The following WLS variants were observed in gnomAD, a reference collection of about 807,000 sequenced individuals.
WLS encodes the protein protein wntless homolog.
In WLS, 23 loss-of-function variants were observed where a neutral mutation model predicts 62.8. The ratio of observed to expected loss-of-function variants is 0.37; its 90% confidence interval spans 0.26 to 0.52. The LOEUF is 0.52. WLS is among the 20% of genes least tolerant of loss of function. The probability of loss-of-function intolerance (pLI) is 0.92; values close to 1 mark genes in which losing one functional copy is unlikely to be tolerated. For missense variants in WLS, 615 were observed against 697.3 expected (o/e 0.88, Z 1.33); for synonymous variants, 246 against 244.1 (o/e 1.01, Z -0.07).
chr1:68,159,079 A>C (rs1232449826), intron 3 of WLS, 44 bp downstream of exon 3: 1 of 1,610,712 alleles, frequency 6.2e-7, no homozygotes, highest in Non-Finnish European at 8.5e-7. Flanking sequence ...CACATACCTG[A>C]GAACCAAATA....
intron 11 of WLS, among the ~76,000 whole-genome samples, chr1:68,129,328 A>AAAC (rs1476228756): frequency 6.9e-6 from 1 of 144,334 alleles, no homozygotes; most frequent in Non-Finnish European, 1.5e-5. Context: ...AAAACTAAAC[A>AAAC]AAACAAAAAA....
At chr1:68,193,804 A>G in intron 2 of WLS, 151 bp downstream of exon 2, 1 of 999,434 alleles carries the variant, frequency 1.0e-6, no homozygotes, top group Non-Finnish European at 1.5e-6. Flanking sequence ...GGGTTAATAC[A>G]GGTAAAGTAC....
At chr1:68,192,454 C>T (rs1013281754) in intron 2 of WLS, among the ~76,000 whole-genome samples, 2 of 151,772 alleles carry the variant, frequency 1.3e-5, no homozygotes, top group Admixed American at 1.3e-4. Context: ...GGTGCAGTGG[C>T]TCATGCCAGC....
Position 68,126,388 on chromosome 1 carries a change from C to G in WLS, c.1517-53G>C. ...CATTCAAGGAGGAAGGAGAAGCAAGCTGGGGTTCATCTCATGGACAACTGC... is the reference window on the plus strand; with the variant it reads ...CATTCAAGGAGGAAGGAGAAGCAAGGTGGGGTTCATCTCATGGACAACTGC... On this transcript the variant is annotated intron_variant, in intron 11 of 11. Transcript: ENST00000262348. 1.9e-6 allele frequency: 3 copies of G among 1,607,560 alleles called. No individual in the cohort carries two copies. In the South Asian group the frequency reaches 3.3e-5, roughly 18 times the overall value.
In WLS at chr1:68,125,724, G is replaced by C; in HGVS notation, c.*502C>G. 1 of 986,134 alleles carries C rather than the reference G, an allele frequency of 1.0e-6. No homozygotes were observed. The highest frequency in any genetic ancestry group is 1.2e-6 in the Non-Finnish European group (1 of 830,448). The allele number at this position is 986,134 out of a possible 1,614,324, so 61.1% of individuals were successfully genotyped here. On this transcript the variant is annotated 3_prime_UTR_variant, in exon 12 of 12. Transcript: ENST00000262348. ...GACAACTTAAATATTAACTCAGTGGGCTACCTGGTGATATAAATAGGAAAA... is the reference window on the plus strand; with the variant it reads ...GACAACTTAAATATTAACTCAGTGGCCTACCTGGTGATATAAATAGGAAAA...
chr1:68,127,217 C>A, intron 11 of WLS: 1 of 228,928 alleles, frequency 4.4e-6, no homozygotes, highest in Non-Finnish European at 9.1e-6. Flanking sequence ...AAATAAACTA[C>A]AAAGCATCTA....
intron 11 of WLS, among the ~76,000 whole-genome samples, chr1:68,113,175 C>T (rs927503214): frequency 1.3e-5 from 2 of 152,218 alleles, no homozygotes; most frequent in African/African-American, 4.8e-5. Flanking sequence ...CTGAGTCATC[C>T]AACCTCGCAT....
chr1:68,197,961 A>G (rs1325504036), intron 1 of WLS, among the ~76,000 whole-genome samples: 1 of 152,202 alleles, frequency 6.6e-6, no homozygotes, highest in African/African-American at 2.4e-5. Flanking sequence ...AGGGATTAAT[A>G]GAGTTTGTGT....
rs1332212071 is a variant in WLS, at chr1:68,193,017, G to C, written c.379+938C>G. On this transcript the variant is annotated intron_variant, in intron 2 of 11. Coordinates refer to ENST00000262348, the MANE Select transcript of WLS (RefSeq NM_024911.7). ...CCAGCTACGTGGGAGGCTGAGGCAGGAGAATCACTTGAACGCGGGAGGCGG... is the reference window on the plus strand; with the variant it reads ...CCAGCTACGTGGGAGGCTGAGGCAGCAGAATCACTTGAACGCGGGAGGCGG... Among the ~76,000 whole-genome samples the C allele has an allele frequency of 5.9e-5, 9 of 151,458 alleles. No individual in the cohort carries two copies. In the East Asian group the frequency reaches 1.6e-3, roughly 26 times the overall value.
rs531418592 is a variant in WLS, at chr1:68,232,434, G to T, written c.-135C>A. ...CAAAACTTCAGAGGTGCTGGAGCGC[G>T]GCGAGGATGGGACCGGGACGGAAGG... On this transcript the variant is annotated 5_prime_UTR_variant, in exon 1 of 12. Transcript: ENST00000262348. 7 of 1,428,458 alleles carry T rather than the reference G, an allele frequency of 4.9e-6. No individual in the cohort carries two copies. Among genetic ancestry groups the T allele is most frequent in the Non-Finnish European group, 6.4e-6 (7 of 1,090,262 alleles). The allele number at this position is 1,428,458 out of a possible 1,614,324, so 88.5% of individuals were successfully genotyped here.
At chr1:68,171,845 T>C (rs1647158675) in intron 2 of WLS, among the ~76,000 whole-genome samples, 1 of 152,210 alleles carries the variant, frequency 6.6e-6, no homozygotes, top group Non-Finnish European at 1.5e-5. Context: ...ATCATTCTAC[T>C]ATAAAGACAC....
chr1:68,125,429 A>T lies in WLS; in HGVS notation c.*797T>A, dbSNP rs767591435. ...CATACAGGTTTATTTAAATGATTGG[A>T]TCTACACTTTTGGAGGCTATTTGAA... On this transcript the variant is annotated 3_prime_UTR_variant, in exon 12 of 12. Transcript: ENST00000262348. The T allele has an allele frequency of 6.0e-5, 59 of 985,306 alleles. No individual in the cohort carries two copies. Among genetic ancestry groups the T allele is most frequent in the Middle Eastern group, 1.0e-3 (2 of 1,936 alleles). 61.0% of individuals were successfully genotyped at this position (985,306 alleles called of 1,614,324 possible).
intron 11 of WLS, among the ~76,000 whole-genome samples, chr1:68,112,406 C>T (rs1309726695): frequency 1.3e-5 from 2 of 152,216 alleles, no homozygotes; most frequent in Admixed American, 6.5e-5. Context: ...ACTTCTCACG[C>T]TCTAGTTCTA....
At chr1:68,206,829 C>A (rs1258607055) in intron 1 of WLS, among the ~76,000 whole-genome samples, 1 of 152,170 alleles carries the variant, frequency 6.6e-6, no homozygotes, top group Non-Finnish European at 1.5e-5. Flanking sequence ...AATGTATGTA[C>A]TTCTACGTTA....
intron 1 of WLS, chr1:68,202,609 C>T (rs2149823): frequency 0.032 from 4,904 of 152,236 alleles, 186 homozygotes; most frequent in African/African-American, 0.086. Flanking sequence ...CATCTGTTGA[C>T]GCTATTGCTC....
intron 5 of WLS, among the ~76,000 whole-genome samples, chr1:68,150,668 A>T (rs1285856891): frequency 1.3e-5 from 2 of 152,194 alleles, no homozygotes; most frequent in Non-Finnish European, 2.9e-5. Context: ...CCCAGGCCTC[A>T]GTGAGTACAA....
intron 1 of WLS, among the ~76,000 whole-genome samples, chr1:68,230,879 C>T (rs1347193962): frequency 6.6e-6 from 1 of 152,188 alleles, no homozygotes; most frequent in African/African-American, 2.4e-5. Context: ...GGAGACAAAA[C>T]GCCAAGCACA....
Position 68,125,752 on chromosome 1 carries a change from A to G in WLS, c.*474T>C. Reference sequence around the variant, plus strand: ...ACCTGGTGATATAAATAGGAAAAAAACAGTGGTCATGGATTAGGAGTGAGA... The same window carrying G: ...ACCTGGTGATATAAATAGGAAAAAAGCAGTGGTCATGGATTAGGAGTGAGA... On this transcript the variant is annotated 3_prime_UTR_variant, in exon 12 of 12. Coordinates refer to ENST00000262348, the MANE Select transcript of WLS (RefSeq NM_024911.7). 1 of 986,044 alleles carries G rather than the reference A, an allele frequency of 1.0e-6. No homozygotes were observed. Among genetic ancestry groups the G allele is most frequent in the Non-Finnish European group, 1.2e-6 (1 of 830,372 alleles). The allele number at this position is 986,044 out of a possible 1,614,324, so 61.1% of individuals were successfully genotyped here. A position where few individuals can be genotyped will look rare whatever the true frequency, so the allele number is the denominator to read the frequency against.
intron 1 of WLS, chr1:68,231,561 C>T: frequency 3.3e-6 from 1 of 298,918 alleles, no homozygotes; most frequent in African/African-American, 2.2e-5. Flanking sequence ...CCCCATCCCA[C>T]CCAACCTCCC....
Sources: allele counts gnomAD v4.1 joint callset (sites outside exome capture counted in the v4.1 genomes callset), GRCh38; gene constraint gnomAD v4.1.1; transcripts MANE v1.5; gene names NCBI Gene and HGNC (gene_info 2026-07-23, HGNC 2026-07-21).